Variants in PGBD5 observed in about 807,000 individuals in gnomAD.
PGBD5 encodes the protein piggyBac transposable element derived 5, also known as piggyBac transposable element-derived protein 5.
Under a neutral mutation model 47.9 loss-of-function variants are expected in PGBD5, and 14 were observed. The ratio of observed to expected loss-of-function variants is 0.29; its 90% CI spans 0.19 to 0.46. The LOEUF is 0.46. PGBD5 is among the 20% of genes least tolerant of loss of function. PGBD5 has a pLI of 1.00. For missense variants in PGBD5, 635 were observed against 716.0 expected (o/e 0.89, Z 1.29); for synonymous variants, 316 against 306.3 (o/e 1.03, Z -0.33).
At position 230,375,678 on chromosome 1, in the gene PGBD5, T is replaced by C. The variant is rs1668000654; in HGVS notation, c.332-18357A>G. On this transcript the variant is annotated intron_variant, in intron 1 of 6. Coordinates refer to ENST00000391860, the MANE Select transcript of PGBD5 (RefSeq NM_001258311.2). ...TTTTTTTTTTTTTTTTTTTTTTTTT[T>C]AGTACATGGAATAACCTCACAAGGA... is the stretch of plus-strand genomic sequence containing the variant. 2.1e-5 allele frequency among the ~76,000 whole-genome samples: 3 copies of C among 144,668 alleles called. No individual in the cohort carries two copies. The South Asian group carries it at 6.7e-4, about 33-fold the overall frequency. 94.9% of individuals were successfully genotyped at this position (144,668 alleles called of 152,430 possible). A position where few individuals can be genotyped will look rare whatever the true frequency, so the allele number is the denominator to read the frequency against.
At chr1:230,374,848 T>C (rs1028192385) in intron 1 of PGBD5, among the ~76,000 whole-genome samples, 5 of 152,218 alleles carry the variant, frequency 3.3e-5, no homozygotes, top group Non-Finnish European at 7.3e-5. Flanking sequence ...CGTCAACTTA[T>C]ACTCCTTAAA....
At chr1:230,421,438 GAT>G (rs1270944050) in intron 1 of PGBD5, among the ~76,000 whole-genome samples, 1 of 152,214 alleles carries the variant, frequency 6.6e-6, no homozygotes, top group Admixed American at 6.5e-5. Flanking sequence ...GTTAGATGGT[GAT>G]CACTTAATCT....
At chr1:230,351,133 C>T in intron 2 of PGBD5, 41 bp from the exon 3 acceptor site, 1 of 1,588,686 alleles carries the variant, frequency 6.3e-7, no homozygotes, top group South Asian at 1.1e-5. Context: ...CGGAAGGCAG[C>T]ATGAGCTTGA....
In PGBD5 at chr1:230,357,797, A is replaced by AAT. The variant is rs1272892905; in HGVS notation, c.332-478_332-477dup. Among the ~76,000 whole-genome samples, 1 of 152,138 alleles carries AAT rather than the reference A, an allele frequency of 6.6e-6. No individual in the cohort carries two copies. Among genetic ancestry groups the AAT allele is most frequent in the African/African-American group, 2.4e-5 (1 of 41,392 alleles). ...ACACACACATAAATGTATATGTTTA[A>AAT]ATATATATATCATATAAATGTATAC... On this transcript the variant is annotated intron_variant, in intron 1 of 6. Coordinates refer to ENST00000391860, the MANE Select transcript of PGBD5 (RefSeq NM_001258311.2). This position sits in a 1 kb window ranked among gnomAD's most constrained non-coding sequence, Gnocchi z 5.7.
intron 1 of PGBD5, among the ~76,000 whole-genome samples, chr1:230,411,228 T>C: frequency 6.6e-6 from 1 of 152,172 alleles, no homozygotes; most frequent in Non-Finnish European, 1.5e-5. Context: ...GGCTGCAGTG[T>C]GCCATGATCG....
chr1:230,344,367 G>A (rs566758948), intron 3 of PGBD5, among the ~76,000 whole-genome samples: 1 of 152,250 alleles, frequency 6.6e-6, no homozygotes, highest in South Asian at 2.1e-4. Flanking sequence ...TCTAATTTTA[G>A]GCAAGGCAGC....
Position 230,400,665 on chromosome 1 carries a change from A to AAAT in PGBD5, c.331+24932_331+24933insATT, listed in dbSNP as rs1491540638. Among the ~76,000 whole-genome samples the AAAT allele has an allele frequency of 4.4e-4, 54 of 121,800 alleles. 1 individual carries two copies. The highest frequency in any genetic ancestry group is 1.8e-3 in the African/African-American group (48 of 27,224). The allele number at this position is 121,800 out of a possible 152,430, so 79.9% of individuals were successfully genotyped here. ...CACTAAGAAAGAGGTTTTCTTTCTTAGAAATGTTAAATGTTAAATGTTGCA... is the reference window on the plus strand; with the variant it reads ...CACTAAGAAAGAGGTTTTCTTTCTTAAATGAAATGTTAAATGTTAAATGTTGCA... On this transcript the variant is annotated intron_variant, in intron 1 of 6. Coordinates refer to ENST00000391860, the MANE Select transcript of PGBD5 (RefSeq NM_001258311.2).
Position 230,319,428 on chromosome 1 carries a change from T to G in PGBD5, c.*3997A>C, listed in dbSNP as rs1277673479. 1.5e-5 allele frequency: 2 copies of G among 133,712 alleles called. No individual in the cohort carries two copies. The highest frequency in any genetic ancestry group is 1.5e-4 in the Admixed American group (2 of 13,762). The allele number at this position is 133,712 out of a possible 1,614,324, so 8.3% of individuals were successfully genotyped here. ...CCAATCCCAGGCAAGTGGGGAAATG[T>G]TTTTTTTTTGCCATGAATGCAGACT... is the stretch of plus-strand genomic sequence containing the variant. On this transcript the variant is annotated 3_prime_UTR_variant, in exon 7 of 7. Transcript: ENST00000391860.
chr1:230,325,354 G>A lies in PGBD5; in HGVS notation c.1335C>T (p.Ala445=), dbSNP rs554091033. ...IPCPLAVEAF[A]AHLSYICRYD... ...ATCTGCAGATGTAGCTCAGGTGAGC[G>A]GCAAACGCCTCCACGGCCAAGGGGC... The change falls in exon 6 of 7, where the codon GCC becomes GCT. Residue 445 remains alanine (A), a synonymous_variant. Transcript: ENST00000391860. The A allele has an allele frequency of 1.1e-4, 175 of 1,613,744 alleles. No individual in the cohort carries two copies. Among genetic ancestry groups the A allele is most frequent in the East Asian group, 6.0e-4 (27 of 44,858 alleles).
intron 1 of PGBD5, among the ~76,000 whole-genome samples, chr1:230,363,120 G>T: frequency 6.6e-6 from 1 of 152,152 alleles, no homozygotes; most frequent in Non-Finnish European, 1.5e-5. Context: ...ACCCCACAGC[G>T]GGTAAGAAGA....
At chr1:230,412,413 G>T (rs1356062138) in intron 1 of PGBD5, among the ~76,000 whole-genome samples, 3 of 133,926 alleles carry the variant, frequency 2.2e-5, no homozygotes, top group Non-Finnish European at 3.1e-5. Context: ...TTTTGAGACA[G>T]AGTCTCGCTC....
intron 1 of PGBD5, among the ~76,000 whole-genome samples, chr1:230,403,396 G>A (rs944659441): frequency 3.3e-5 from 5 of 152,180 alleles, no homozygotes; most frequent in East Asian, 1.9e-4. Context: ...CCCTCCACTT[G>A]TCCCCCTTCT....
rs1666941041 is a variant in PGBD5 at position 230,316,078 on chromosome 1, T to TATGTGTACACATATATG, written c.*7346_*7347insCATATATGTGTACACAT. Reference sequence around the variant, plus strand: ...TATATGTATGTGTATACATACATGTTTATGTGTATACATACATATGTTTAT... The same window carrying TATGTGTACACATATATG: ...TATATGTATGTGTATACATACATGTTATGTGTACACATATATGTATGTGTATACATACATATGTTTAT... On this transcript the variant is annotated 3_prime_UTR_variant, in exon 7 of 7. Coordinates refer to ENST00000391860, the MANE Select transcript of PGBD5 (RefSeq NM_001258311.2). 1 of 111,916 alleles carries TATGTGTACACATATATG rather than the reference T, an allele frequency of 8.9e-6. No individual in the cohort carries two copies. Among genetic ancestry groups the TATGTGTACACATATATG allele is most frequent in the African/African-American group, 3.2e-5 (1 of 30,866 alleles). The allele number at this position is 111,916 out of a possible 1,614,324, so 6.9% of individuals were successfully genotyped here. A position where few individuals can be genotyped will look rare whatever the true frequency, so the allele number is the denominator to read the frequency against.
chr1:230,369,236 T>A (rs1667890254), intron 1 of PGBD5, among the ~76,000 whole-genome samples: 1 of 152,172 alleles, frequency 6.6e-6, no homozygotes, highest in Admixed American at 6.5e-5. Flanking sequence ...AGGACAGGAA[T>A]CCCGCTTAAG....
intron 1 of PGBD5, among the ~76,000 whole-genome samples, chr1:230,396,826 A>G (rs755001704): frequency 1.4e-4 from 22 of 151,978 alleles, no homozygotes; most frequent in Non-Finnish European, 2.9e-4. Flanking sequence ...GCGGAGAGGC[A>G]CCCTCCCCAT....
intron 1 of PGBD5, among the ~76,000 whole-genome samples, chr1:230,399,305 A>G (rs967872000): frequency 5.3e-5 from 8 of 152,150 alleles, no homozygotes; most frequent in Non-Finnish European, 5.9e-5. Context: ...CTGCTTCATG[A>G]GAACAGTCCC....
Position 230,362,240 on chromosome 1 carries a change from C to T in PGBD5, c.332-4919G>A, listed in dbSNP as rs1489460421. 5 of 1,358,482 alleles carry T rather than the reference C, an allele frequency of 3.7e-6. No individual in the cohort carries two copies. The East Asian group carries it at 2.3e-4, about 62-fold the overall frequency. 84.2% of individuals were successfully genotyped at this position (1,358,482 alleles called of 1,614,324 possible). A position where few individuals can be genotyped will look rare whatever the true frequency, so the allele number is the denominator to read the frequency against. On this transcript the variant is annotated intron_variant, in intron 1 of 6. Coordinates refer to ENST00000391860, the MANE Select transcript of PGBD5 (RefSeq NM_001258311.2). Reference sequence around the variant, plus strand: ...GTTCCCCAAATCAGGTGAGACCTGGCTGGGATTTAGCTTCCTCTACCAGCT... The same window carrying T: ...GTTCCCCAAATCAGGTGAGACCTGGTTGGGATTTAGCTTCCTCTACCAGCT...
intron 5 of PGBD5, among the ~76,000 whole-genome samples, chr1:230,331,001 T>C (rs1182580209): frequency 1.3e-5 from 2 of 152,200 alleles, no homozygotes; most frequent in Non-Finnish European, 2.9e-5. Flanking sequence ...TCTTAAATCC[T>C]GGAGAGGATT....
chr1:230,396,239 C>CTCT (rs1558210759), intron 1 of PGBD5, among the ~76,000 whole-genome samples: 1 of 9,638 alleles, frequency 1.0e-4, no homozygotes, highest in Non-Finnish European at 1.9e-4. Context: ...TACCCCCACA[C>CTCT]TCCTCCCTTT....
Sources: gnomAD v4.1 joint callset for allele counts (sites outside exome capture counted in the v4.1 genomes callset) on GRCh38, gnomAD v4.1.1 for gene constraint, Gnocchi (gnomAD v3.1) non-coding constraint, MANE v1.5 for transcripts, NCBI Gene and HGNC (gene_info 2026-07-23, HGNC 2026-07-21) for gene names.